TBC1D13: variants seen among roughly 807,000 people sequenced by gnomAD.
TBC1D13 encodes TBC1 domain family member 13, also known as epididymis secretory sperm binding protein.
Under a neutral mutation model 53.6 loss-of-function variants are expected in TBC1D13, and 40 were observed. That is an observed-to-expected ratio of 0.75 (90% CI 0.58 to 0.97). The LOEUF is 0.97. TBC1D13 is among the 50% of genes least tolerant of loss of function. TBC1D13 has a pLI of 0.00. For missense variants in TBC1D13, 377 were observed against 499.4 expected, an observed-to-expected ratio of 0.75 and a Z score of 2.34; for synonymous variants, 182 against 197.7, an observed-to-expected ratio of 0.92 and a Z score of 0.67.
intron 2 of TBC1D13, 85 bp from the exon 3 acceptor site, chr9:128,790,650 C>T (rs1032845481): frequency 8.4e-6 from 11 of 1,313,554 alleles, no homozygotes; most frequent in Non-Finnish European, 1.1e-5. Flanking sequence ...GCCCACTCTA[C>T]TCCCCGCCAG....
At chr9:128,787,772 C>T (rs1016123390) in intron 1 of TBC1D13, among the ~76,000 whole-genome samples, 1 of 151,896 alleles carries the variant, frequency 6.6e-6, no homozygotes, top group African/African-American at 2.4e-5. Context: ...TCCAGTCTGG[C>T]CCCTCCCCCA....
Position 128,787,264 on chromosome 9 carries a change from C to A in TBC1D13, c.-90C>A. The A allele has an allele frequency of 8.1e-7, 1 of 1,228,660 alleles. No individual in the cohort carries two copies. The highest frequency in any genetic ancestry group is 1.0e-6 in the Non-Finnish European group (1 of 971,178). The allele number at this position is 1,228,660 out of a possible 1,614,324, so 76.1% of individuals were successfully genotyped here. ...CGCCGGAGGCTTTTGCGCAGAGCCC[C>A]GCGTCCCTGGGGGGCGGCGGCGGCG... On this transcript the variant is annotated 5_prime_UTR_variant, in exon 1 of 12. Coordinates refer to ENST00000372648, the MANE Select transcript of TBC1D13 (RefSeq NM_018201.5).
Position 128,797,234 on chromosome 9 carries a change from C to A in TBC1D13, c.543+20C>A. ...ACAAATGTGAGTGCCAACCTGGGGT[C>A]CCCAGGGACTCCCCCAACAGTATTT... On this transcript the variant is annotated intron_variant, in intron 7 of 11. Transcript: ENST00000372648. The A allele has an allele frequency of 6.2e-7, 1 of 1,612,768 alleles. No homozygotes were observed. Among genetic ancestry groups the A allele is most frequent in the South Asian group, 1.1e-5 (1 of 90,960 alleles).
At position 128,806,973 on chromosome 9, in the gene TBC1D13, A is replaced by G. The variant is rs143172401; in HGVS notation, c.1137+662A>G. 1.1e-4 allele frequency among the ~76,000 whole-genome samples: 16 copies of G among 152,098 alleles called. No homozygotes were observed. In the East Asian group the frequency reaches 2.5e-3, roughly 24 times the overall value. On this transcript the variant is annotated intron_variant, in intron 11 of 11. Transcript: ENST00000372648. ...AAAAAGAACATGGGCTCAAGGGCCT[A>G]CAGCTTTAGGTCCACAGTTTTGCTC...
rs1220109096 is a variant in TBC1D13, at chr9:128,792,506, C to T, written c.315C>T (p.Asn105=). Reference sequence around the variant, plus strand: ...TCTCCCCACAGCCACTCAACCCCAACCCTGACAGCCGGTGGAACACGTACT... The same window carrying T: ...TCTCCCCACAGCCACTCAACCCCAATCCTGACAGCCGGTGGAACACGTACT... The part of the protein sequence containing the change: ...VTFEDHPLNP[N]PDSRWNTYFK... The change falls in exon 6 of 12, where the codon AAC becomes AAT. Residue 105 remains asparagine, a synonymous_variant. Transcript: ENST00000372648. 6.2e-7 allele frequency: 1 copy of T among 1,614,138 alleles called. No homozygotes were observed. The highest frequency in any genetic ancestry group is 1.7e-5 in the Admixed American group (1 of 60,004).
chr9:128,787,508 C>T (rs1829442482), intron 1 of TBC1D13, 132 bp downstream of exon 1: 2 of 943,962 alleles, frequency 2.1e-6, no homozygotes, highest in Admixed American at 4.3e-5. Context: ...CGAGCGTCCA[C>T]CTTCTAACCT....
Position 128,791,298 on chromosome 9 carries a change from T to C in TBC1D13, c.139-82T>C. Reference sequence around the variant, plus strand: ...TTCTTGGGACTTTATGAGATGTTTTTCTTGAGGCCTGTCATCCCCGCCTAA... The same window carrying C: ...TTCTTGGGACTTTATGAGATGTTTTCCTTGAGGCCTGTCATCCCCGCCTAA... On this transcript the variant is annotated intron_variant, in intron 3 of 11. Coordinates refer to ENST00000372648, the MANE Select transcript of TBC1D13 (RefSeq NM_018201.5). 3 of 1,321,680 alleles carry C rather than the reference T, an allele frequency of 2.3e-6. 1 individual carries two copies. The South Asian group carries it at 3.5e-5, about 16-fold the overall frequency. 81.9% of individuals were successfully genotyped at this position (1,321,680 alleles called of 1,614,324 possible). A position where few individuals can be genotyped will look rare whatever the true frequency, so the allele number is the denominator to read the frequency against.
At chr9:128,807,632 A>G (rs1182934025) in intron 11 of TBC1D13, among the ~76,000 whole-genome samples, 182 bp from the exon 12 acceptor site, 1 of 152,144 alleles carries the variant, frequency 6.6e-6, no homozygotes, top group Non-Finnish European at 1.5e-5. Context: ...TTGGTGCTGC[A>G]TGGTGTAGCG....
At chr9:128,796,593 C>T (rs115123795) in intron 6 of TBC1D13, among the ~76,000 whole-genome samples, 6,334 of 151,922 alleles carry the variant, frequency 0.042, 148 homozygotes, top group East Asian at 0.089. Context: ...CCATGTTGGC[C>T]GGGCTGGTCT....
chr9:128,797,497 TACAAATGTGA>T (rs1174396188), intron 7 of TBC1D13, among the ~76,000 whole-genome samples: 17 of 152,240 alleles, frequency 1.1e-4, no homozygotes, highest in Admixed American at 3.3e-4. Flanking sequence ...AGAAGGTCAT[TACAAATGTGA>T]GAAAATGTGA....
At chr9:128,789,848 CACAG>C (rs2132529899) in intron 2 of TBC1D13, 1 of 135,680 alleles carries the variant, frequency 7.4e-6, no homozygotes, top group African/African-American at 2.9e-5. Context: ...ATGAAATAGT[CACAG>C]AGCCATTATT....
intron 6 of TBC1D13, among the ~76,000 whole-genome samples, chr9:128,795,482 A>G (rs1463751652): frequency 6.5e-5 from 4 of 61,888 alleles, no homozygotes; most frequent in Admixed American, 2.7e-4. Context: ...TTTTTTTGGG[A>G]AGGAGTCTCA....
Position 128,809,350 on chromosome 9 carries a change from A to G in TBC1D13, c.*1471A>G, listed in dbSNP as rs1260865076. 6.6e-6 allele frequency: 1 copy of G among 152,148 alleles called. No homozygotes were observed. Among genetic ancestry groups the G allele is most frequent in the African/African-American group, 2.4e-5 (1 of 41,400 alleles). 9.4% of individuals were successfully genotyped at this position (152,148 alleles called of 1,614,324 possible). ...TTTGCGTCCGGAAGCCGGGTGCCAT[A>G]GTGAGGACCCTCGTCCTCCAGACTG... is the stretch of plus-strand genomic sequence containing the variant. On this transcript the variant is annotated 3_prime_UTR_variant, in exon 12 of 12. Transcript: ENST00000372648.
At chr9:128,796,493 C>T (rs1257486894) in intron 6 of TBC1D13, among the ~76,000 whole-genome samples, 6 of 152,096 alleles carry the variant, frequency 3.9e-5, no homozygotes, top group Admixed American at 2.0e-4. Context: ...TCAGGTGATC[C>T]GTCTGCCTCA....
At chr9:128,799,620 A>G (rs1829696023) in intron 7 of TBC1D13, among the ~76,000 whole-genome samples, 1 of 152,198 alleles carries the variant, frequency 6.6e-6, no homozygotes, top group Non-Finnish European at 1.5e-5. Flanking sequence ...GTGGCCCGAC[A>G]TTTCTGAGCC....
intron 7 of TBC1D13, among the ~76,000 whole-genome samples, chr9:128,797,977 G>C (rs949370986): frequency 3.9e-5 from 6 of 152,230 alleles, no homozygotes; most frequent in Non-Finnish European, 7.3e-5. Flanking sequence ...CCCTGGCCAG[G>C]TGTGGTGGCT....
intron 6 of TBC1D13, among the ~76,000 whole-genome samples, chr9:128,796,797 G>A (rs772848270): frequency 2.0e-5 from 3 of 151,932 alleles, no homozygotes; most frequent in Non-Finnish European, 2.9e-5. Flanking sequence ...TTAGCCGGGC[G>A]TGGTGGTGGG....
At chr9:128,806,420 T>A in intron 11 of TBC1D13, 109 bp downstream of exon 11, 1 of 1,322,130 alleles carries the variant, frequency 7.6e-7, no homozygotes, top group Non-Finnish European at 1.1e-6. Context: ...CGGAGTGTAG[T>A]AGGGATTAAA....
intron 6 of TBC1D13, among the ~76,000 whole-genome samples, chr9:128,793,091 C>T (rs527390200): frequency 2.0e-5 from 3 of 152,334 alleles, no homozygotes; most frequent in African/African-American, 7.2e-5. Context: ...TGGGAGGCCT[C>T]AGGGGAAGAG....
Sources: allele counts gnomAD v4.1 joint callset (sites outside exome capture counted in the v4.1 genomes callset), GRCh38; gene constraint gnomAD v4.1.1; transcripts MANE v1.5; gene names NCBI Gene and HGNC (gene_info 2026-07-23, HGNC 2026-07-21).